The following XPR1 variants were observed in gnomAD, a reference collection of about 807,000 sequenced individuals.
XPR1 encodes the protein solute carrier family 53 member 1.
In XPR1, 28 loss-of-function variants were observed where a neutral mutation model predicts 87.5. That is an observed-to-expected ratio of 0.32 (90% CI 0.24 to 0.44). XPR1 has a LOEUF of 0.44. Ranked by LOEUF, XPR1 falls within the 20% of genes least tolerant of loss-of-function variation. The pLI, the probability that XPR1 is intolerant of heterozygous loss-of-function variation, is 1.00. For missense variants in XPR1, 559 were observed against 862.3 expected (o/e 0.65, Z 4.41); for synonymous variants, 300 against 306.1 (o/e 0.98, Z 0.21).
intron 1 of XPR1, among the ~76,000 whole-genome samples, chr1:180,661,890 CAACAA>C (rs376129723): frequency 1.3e-5 from 2 of 151,904 alleles, no homozygotes; most frequent in African/African-American, 4.8e-5. Context: ...CAAAACAAAA[CAACAA>C]AAAAACCCTC....
At chr1:180,786,259 G>C (rs1293852963) in intron 2 of XPR1, among the ~76,000 whole-genome samples, 1 of 152,058 alleles carries the variant, frequency 6.6e-6, no homozygotes, top group Admixed American at 6.5e-5. Flanking sequence ...AAATATCTCT[G>C]GTACTACAAA....
At chr1:180,696,317 T>C (rs1050939141) in intron 2 of XPR1, among the ~76,000 whole-genome samples, 4 of 151,632 alleles carry the variant, frequency 2.6e-5, no homozygotes, top group Admixed American at 6.6e-5. Flanking sequence ...TATGCTTATT[T>C]TGTATCCTAC....
At chr1:180,692,414 T>C (rs1318366140) in intron 2 of XPR1, among the ~76,000 whole-genome samples, 2 of 152,156 alleles carry the variant, frequency 1.3e-5, no homozygotes, top group Non-Finnish European at 2.9e-5. Context: ...GCCATCTCTT[T>C]AAGAATGATA....
chr1:180,839,405 G>A (rs1341256505), intron 11 of XPR1, among the ~76,000 whole-genome samples: 3 of 152,142 alleles, frequency 2.0e-5, no homozygotes, highest in Non-Finnish European at 2.9e-5. Flanking sequence ...GCAAATAATT[G>A]TTAGGAAAAT....
chr1:180,860,322 C>T (rs548157339), intron 11 of XPR1, among the ~76,000 whole-genome samples: 16 of 152,176 alleles, frequency 1.1e-4, no homozygotes, highest in Non-Finnish European at 2.2e-4. Context: ...TAAAGTTAAA[C>T]ATCCACTTAC....
chr1:180,858,396 G>C (rs531905650), intron 11 of XPR1, among the ~76,000 whole-genome samples: 1 of 152,120 alleles, frequency 6.6e-6, no homozygotes, highest in East Asian at 1.9e-4. Flanking sequence ...TATGAAATAA[G>C]CAATAATATG....
intron 2 of XPR1, among the ~76,000 whole-genome samples, chr1:180,741,260 T>G (rs912842006): frequency 3.9e-5 from 6 of 152,072 alleles, no homozygotes; most frequent in African/African-American, 9.7e-5. Context: ...GCCCCCAGGA[T>G]TCTAGTGATT....
intron 2 of XPR1, among the ~76,000 whole-genome samples, chr1:180,771,976 C>CGAGCA (rs1215304100): frequency 6.6e-6 from 1 of 152,174 alleles, no homozygotes; most frequent in Non-Finnish European, 1.5e-5. Flanking sequence ...ATGGATCTTG[C>CGAGCA]TCGCAAGGGT....
chr1:180,638,306 T>C (rs1654853842), intron 1 of XPR1, among the ~76,000 whole-genome samples: 1 of 152,194 alleles, frequency 6.6e-6, no homozygotes, highest in Non-Finnish European at 1.5e-5. Context: ...ATGCATATAT[T>C]GGAGATACAT....
intron 2 of XPR1, among the ~76,000 whole-genome samples, chr1:180,781,793 A>G (rs1021175992): frequency 4.6e-5 from 7 of 151,968 alleles, no homozygotes; most frequent in African/African-American, 9.7e-5. Context: ...AGCATTAGGT[A>G]TATCTCCTAA....
intron 4 of XPR1, among the ~76,000 whole-genome samples, chr1:180,805,392 T>G (rs1300632022): frequency 1.3e-5 from 2 of 152,224 alleles, no homozygotes; most frequent in Non-Finnish European, 2.9e-5. Flanking sequence ...TGTTGAAATG[T>G]ATAGTATTTT....
intron 2 of XPR1, among the ~76,000 whole-genome samples, chr1:180,703,576 C>T (rs1176131744): frequency 6.6e-6 from 1 of 152,126 alleles, no homozygotes; most frequent in Admixed American, 6.5e-5. Context: ...TGATGACAGG[C>T]GCAGCTACTG....
chr1:180,881,662 A>G (rs1652856651), intron 14 of XPR1, among the ~76,000 whole-genome samples: 1 of 152,218 alleles, frequency 6.6e-6, no homozygotes, highest in Admixed American at 6.5e-5. Context: ...CAGAAGGAAC[A>G]TAAGGAGATG....
Position 180,758,378 on chromosome 1 carries a change from T to C in XPR1, c.122-29375T>C, listed in dbSNP as rs575833292. Reference sequence around the variant, plus strand: ...GGATATGAAGGGAAAATAAATAATATAAAAGTATTTATTACCACTGAAGTA... The same window carrying C: ...GGATATGAAGGGAAAATAAATAATACAAAAGTATTTATTACCACTGAAGTA... On this transcript the variant is annotated intron_variant, in intron 2 of 14. Transcript: ENST00000367590. 2.9e-3 allele frequency among the ~76,000 whole-genome samples: 444 copies of C among 152,086 alleles called. 3 individuals carry two copies. Among genetic ancestry groups the C allele is most frequent in the African/African-American group, 9.7e-3 (402 of 41,500 alleles).
At chr1:180,807,587 T>C (rs1276850517) in intron 6 of XPR1, among the ~76,000 whole-genome samples, 1 of 152,194 alleles carries the variant, frequency 6.6e-6, no homozygotes, top group Non-Finnish European at 1.5e-5. Flanking sequence ...TGTTCATGGG[T>C]ATATTGCACA....
chr1:180,863,950 C>A, intron 12 of XPR1, 76 bp downstream of exon 12: 4 of 1,203,316 alleles, frequency 3.3e-6, no homozygotes, highest in Non-Finnish European at 4.4e-6. Flanking sequence ...CAGTACAGAC[C>A]CAACCTCTAA....
At chr1:180,673,978 G>C (rs186732870) in intron 1 of XPR1, among the ~76,000 whole-genome samples, 5 of 152,198 alleles carry the variant, frequency 3.3e-5, no homozygotes, top group African/African-American at 9.6e-5. Flanking sequence ...GAAAATACAG[G>C]GTCAAATAAT....
chr1:180,880,978 G>C (rs371534377), intron 14 of XPR1, among the ~76,000 whole-genome samples: 24 of 152,188 alleles, frequency 1.6e-4, no homozygotes, highest in East Asian at 5.8e-4. Context: ...GAGGATGAAC[G>C]GTTTTCTAAA....
Position 180,884,132 on chromosome 1 carries a change from A to G in XPR1, c.*66A>G. ...CTACAATCCTTTCCTCGACCAACGCAACCTCTAGTACCTTTCCAGCCGAAA... is the reference window on the plus strand; with the variant it reads ...CTACAATCCTTTCCTCGACCAACGCGACCTCTAGTACCTTTCCAGCCGAAA... On this transcript the variant is annotated 3_prime_UTR_variant, in exon 15 of 15. Coordinates refer to ENST00000367590, the MANE Select transcript of XPR1 (RefSeq NM_004736.4). 1 of 1,468,002 alleles carries G rather than the reference A, an allele frequency of 6.8e-7. No homozygotes were observed. The highest frequency in any genetic ancestry group is 2.3e-5 in the East Asian group (1 of 43,854). The allele number at this position is 1,468,002 out of a possible 1,614,324, so 90.9% of individuals were successfully genotyped here. A position where few individuals can be genotyped will look rare whatever the true frequency, so the allele number is the denominator to read the frequency against.
Sources: allele counts gnomAD v4.1 joint callset (sites outside exome capture counted in the v4.1 genomes callset), GRCh38; gene constraint gnomAD v4.1.1; transcripts MANE v1.5; gene names NCBI Gene and HGNC (gene_info 2026-07-23, HGNC 2026-07-21).